Variants in GFOD2 observed in about 807,000 individuals in gnomAD.
GFOD2 encodes Gfo/Idh/MocA-like oxidoreductase domain containing 2, also known as glucose-fructose oxidoreductase domain-containing protein 2.
A neutral mutation model predicts 24.6 loss-of-function variants in GFOD2; 9 were observed. The ratio of observed to expected loss-of-function variants is 0.37; its 90% confidence interval spans 0.22 to 0.64. GFOD2 has a LOEUF of 0.64. Ranked by LOEUF, GFOD2 falls within the 30% of genes least tolerant of loss-of-function variation. The probability of loss-of-function intolerance (pLI) is 0.65; values close to 1 mark genes in which losing one functional copy is unlikely to be tolerated. For missense variants in GFOD2, 476 were observed against 532.5 expected, an observed-to-expected ratio of 0.89 and a Z score of 1.04; for synonymous variants, 211 against 224.8, an observed-to-expected ratio of 0.94 and a Z score of 0.55.
chr16:67,694,750 A>C (rs578220889), intron 1 of GFOD2, among the ~76,000 whole-genome samples: 4 of 152,280 alleles, frequency 2.6e-5, no homozygotes, highest in Admixed American at 2.6e-4. Context: ...TTCTATCTGA[A>C]GTACACCTGT....
chr16:67,715,550 A>C (rs1321355334), intron 1 of GFOD2, among the ~76,000 whole-genome samples: 1 of 152,078 alleles, frequency 6.6e-6, no homozygotes, highest in Admixed American at 6.6e-5. Context: ...ACTTTCATGA[A>C]CCCAAGCTTT....
chr16:67,691,240 C>T (rs1287966695), intron 1 of GFOD2, among the ~76,000 whole-genome samples: 1 of 152,064 alleles, frequency 6.6e-6, no homozygotes, highest in Admixed American at 6.6e-5. Flanking sequence ...CAGATTCTTG[C>T]TCTGTTGCCC....
At chr16:67,680,837 A>G in intron 2 of GFOD2, 1 of 984,826 alleles carries the variant, frequency 1.0e-6, no homozygotes, top group Non-Finnish European at 1.2e-6. Flanking sequence ...ATATGTATAC[A>G]TGTGCCGTGT....
intron 2 of GFOD2, chr16:67,680,616 A>G (rs2053218061): frequency 2.0e-6 from 1 of 496,760 alleles, no homozygotes; most frequent in Non-Finnish European, 2.6e-6. Flanking sequence ...AACCCCACAG[A>G]GCATCTGTCA....
chr16:67,709,836 G>A (rs565737188), intron 1 of GFOD2, among the ~76,000 whole-genome samples: 1 of 152,252 alleles, frequency 6.6e-6, no homozygotes, highest in South Asian at 2.1e-4. Flanking sequence ...GGCTGGTCTT[G>A]AGGCTGGTAT....
At chr16:67,717,342 T>C (rs983613729) in intron 1 of GFOD2, among the ~76,000 whole-genome samples, 1 of 152,252 alleles carries the variant, frequency 6.6e-6, no homozygotes, top group Non-Finnish European at 1.5e-5. Context: ...AAACTGACTT[T>C]GATGATTAGA....
chr16:67,715,027 G>C (rs1020468166), intron 1 of GFOD2, among the ~76,000 whole-genome samples: 4 of 151,924 alleles, frequency 2.6e-5, no homozygotes, highest in Admixed American at 6.6e-5. Flanking sequence ...GGAAATATTC[G>C]ATTCTTCCTT....
At chr16:67,678,366 C>T (rs2053198535) in intron 2 of GFOD2, among the ~76,000 whole-genome samples, 1 of 151,464 alleles carries the variant, frequency 6.6e-6, no homozygotes. Flanking sequence ...ATCCCAGCTA[C>T]TCGGGAGGCT....
chr16:67,681,811 T>A, intron 2 of GFOD2: 2 of 985,348 alleles, frequency 2.0e-6, no homozygotes, highest in South Asian at 9.4e-5. Context: ...GTACAGAGTC[T>A]TTGGGTAGCC....
At chr16:67,681,103 TG>T in intron 2 of GFOD2, 1 of 985,456 alleles carries the variant, frequency 1.0e-6, no homozygotes, top group Non-Finnish European at 1.2e-6. Flanking sequence ...ATCACAGTTC[TG>T]GGGGTGAATT....
chr16:67,692,744 A>C (rs78488919), intron 1 of GFOD2, among the ~76,000 whole-genome samples: 1 of 151,110 alleles, frequency 6.6e-6, no homozygotes, highest in African/African-American at 2.4e-5. Flanking sequence ...AAAAAAAAAA[A>C]GGCCGGGCAC....
rs1051358856 is a variant in GFOD2, at chr16:67,675,712, G to A, written c.601C>T (p.Leu201Phe). 1.2e-6 allele frequency: 2 copies of A among 1,614,046 alleles called. No individual in the cohort carries two copies. Among genetic ancestry groups the A allele is most frequent in the Non-Finnish European group, 8.5e-7 (1 of 1,180,048 alleles). The change falls in exon 3 of 3, where the codon CTC becomes TTC. Residue 201 changes from leucine to phenylalanine, a missense_variant. Coordinates refer to ENST00000268797, the MANE Select transcript of GFOD2 (RefSeq NM_030819.4). The part of the protein sequence containing the change: ...GRRAEKVHGL[L>F]KTFVRQNAAI... ...GCGTTCTGCCTCACGAATGTCTTGA[G>A]CAGCCCGTGCACCTTCTCGGCTCTC... is the stretch of plus-strand genomic sequence containing the variant.
intron 1 of GFOD2, among the ~76,000 whole-genome samples, chr16:67,717,183 A>G (rs1227935060): frequency 6.6e-6 from 1 of 152,208 alleles, no homozygotes; most frequent in Non-Finnish European, 1.5e-5. Context: ...GGCATGAGCT[A>G]CTGCGCCCGG....
At chr16:67,700,973 G>A (rs1156710152) in intron 1 of GFOD2, among the ~76,000 whole-genome samples, 1 of 149,228 alleles carries the variant, frequency 6.7e-6, no homozygotes, top group Non-Finnish European at 1.5e-5. Context: ...GGAGGCGGAG[G>A]TTGTAGTGAG....
intron 1 of GFOD2, among the ~76,000 whole-genome samples, chr16:67,686,288 G>GA (rs1226644957): frequency 6.6e-6 from 1 of 151,412 alleles, no homozygotes; most frequent in Non-Finnish European, 1.5e-5. Flanking sequence ...TGTCTCAAAA[G>GA]AAAAAAGAAA....
At chr16:67,691,427 C>T (rs1260407766) in intron 1 of GFOD2, among the ~76,000 whole-genome samples, 2 of 151,548 alleles carry the variant, frequency 1.3e-5, no homozygotes, top group Non-Finnish European at 2.9e-5. Context: ...AGGCTGGTCT[C>T]GAACTCCTGG....
chr16:67,685,281 CTA>C, intron 2 of GFOD2, 174 bp downstream of exon 2: 2 of 1,446,392 alleles, frequency 1.4e-6, no homozygotes, highest in South Asian at 2.9e-5. Flanking sequence ...GTAGGTTAGG[CTA>C]TGTCTTTTTT....
intron 1 of GFOD2, among the ~76,000 whole-genome samples, chr16:67,688,311 T>C (rs1021293457): frequency 6.6e-6 from 1 of 152,222 alleles, no homozygotes; most frequent in African/African-American, 2.4e-5. Context: ...AGGACTAGAA[T>C]ACTCCTGAAT....
chr16:67,697,609 A>G (rs2053367954), intron 1 of GFOD2, among the ~76,000 whole-genome samples: 1 of 152,228 alleles, frequency 6.6e-6, no homozygotes, highest in Non-Finnish European at 1.5e-5. Flanking sequence ...AACCTTGAGC[A>G]GGTTACTTCA....
Sources: allele counts gnomAD v4.1 joint callset (sites outside exome capture counted in the v4.1 genomes callset), GRCh38; gene constraint gnomAD v4.1.1; transcripts MANE v1.5; gene names NCBI Gene and HGNC (gene_info 2026-07-23, HGNC 2026-07-21).